Variants in ARHGAP24 observed in about 807,000 individuals in gnomAD.
ARHGAP24 encodes rho GTPase-activating protein 24.
In ARHGAP24, 50 loss-of-function variants were observed where a neutral mutation model predicts 76.4. That is an observed-to-expected ratio of 0.65 (90% confidence interval 0.52 to 0.83). The LOEUF (loss-of-function observed/expected upper bound fraction) is 0.83, where lower values mean the gene tolerates loss of function less well. Among genes scored for constraint, ARHGAP24 ranks in the 40% least tolerant of loss-of-function variants. The probability of loss-of-function intolerance (pLI) is 0.00; values close to 1 mark genes in which losing one functional copy is unlikely to be tolerated. For missense variants in ARHGAP24, 930 were observed against 914.2 expected (o/e 1.02, Z -0.22); for synonymous variants, 345 against 323.3 (o/e 1.07, Z -0.72).
Position 85,995,364 on chromosome 4 carries a change from C to A in ARHGAP24, c.1710C>A (p.Ser570=). 1.2e-6 allele frequency: 2 copies of A among 1,614,118 alleles called. No individual in the cohort carries two copies. The highest frequency in any genetic ancestry group is 2.2e-5 in the South Asian group (2 of 91,072). Residue 570 remains serine, a synonymous_variant, in exon 9 of 10, where the codon TCC becomes TCA. Transcript: ENST00000395184. ...CEISLPENSN[S]CRSSTTTCPE... Reference sequence around the variant, plus strand: ...TCTCCCTCCCTGAGAACTCCAACTCCTGTCGCTCTTCTACCACCACCTGCC... The same window carrying A: ...TCTCCCTCCCTGAGAACTCCAACTCATGTCGCTCTTCTACCACCACCTGCC...
intron 5 of ARHGAP24, among the ~76,000 whole-genome samples, chr4:85,945,141 C>T (rs1018594426): frequency 3.9e-5 from 6 of 152,062 alleles, no homozygotes; most frequent in East Asian, 1.9e-4. Flanking sequence ...CCACCGCACC[C>T]GACCTTTTTT....
chr4:85,690,274 C>CT, intron 2 of ARHGAP24, among the ~76,000 whole-genome samples: 1 of 151,892 alleles, frequency 6.6e-6, no homozygotes, highest in African/African-American at 2.4e-5. Context: ...AAAAAAAATT[C>CT]TTTTTTATTG....
intron 3 of ARHGAP24, among the ~76,000 whole-genome samples, chr4:85,801,764 G>A (rs1728588856): frequency 6.6e-6 from 1 of 152,226 alleles, no homozygotes; most frequent in African/African-American, 2.4e-5. Context: ...GGCCATCTCA[G>A]GCAGGCATTC....
At chr4:85,972,815 C>T (rs1369282318) in intron 6 of ARHGAP24, among the ~76,000 whole-genome samples, 2 of 152,120 alleles carry the variant, frequency 1.3e-5, no homozygotes, top group East Asian at 3.9e-4. Flanking sequence ...TCTGGACATT[C>T]CTTATAAATG....
intron 2 of ARHGAP24, among the ~76,000 whole-genome samples, chr4:85,719,226 A>C (rs756451370): frequency 1.3e-5 from 2 of 152,170 alleles, no homozygotes; most frequent in Non-Finnish European, 2.9e-5. Flanking sequence ...GTATCTAGCA[A>C]TTTTTTAAAA....
rs545006233 is a variant in ARHGAP24, at chr4:85,562,660, C to T, written c.-20-7862C>T. ...ACTTATACTCCCTAATAGTATCCTC[C>T]TACCACACTCTTACTTTCAGCCAAC... On this transcript the variant is annotated intron_variant, in intron 1 of 9. Transcript: ENST00000395184. 3.9e-5 allele frequency among the ~76,000 whole-genome samples: 6 copies of T among 152,108 alleles called. No individual in the cohort carries two copies. The South Asian group carries it at 1.0e-3, about 26-fold the overall frequency.
chr4:85,566,946 C>A (rs910621585), intron 1 of ARHGAP24, among the ~76,000 whole-genome samples: 1 of 152,094 alleles, frequency 6.6e-6, no homozygotes, highest in African/African-American at 2.4e-5. Context: ...AGGCAGAAAT[C>A]AGCAAGGGAT....
intron 2 of ARHGAP24, among the ~76,000 whole-genome samples, chr4:85,598,527 GATCATTGTGTGAT>G (rs1248725578): frequency 6.6e-6 from 1 of 151,970 alleles, no homozygotes; most frequent in Non-Finnish European, 1.5e-5. Flanking sequence ...CTTAGTAGCT[GATCATTGTGTGAT>G]GATTCCTTGA....
intron 2 of ARHGAP24, among the ~76,000 whole-genome samples, chr4:85,640,367 C>T (rs1721479248): frequency 6.6e-6 from 1 of 152,208 alleles, no homozygotes; most frequent in Non-Finnish European, 1.5e-5. Flanking sequence ...TGCCTCCTGA[C>T]CAACCCTGGT....
intron 3 of ARHGAP24, among the ~76,000 whole-genome samples, chr4:85,813,989 G>T (rs991036941): frequency 1.1e-4 from 16 of 151,874 alleles, no homozygotes; most frequent in Admixed American, 3.3e-4. Context: ...AAGGTGAAAG[G>T]CATGTCTCAA....
intron 5 of ARHGAP24, among the ~76,000 whole-genome samples, chr4:85,944,843 CT>C (rs1281074548): frequency 6.6e-6 from 1 of 151,934 alleles, no homozygotes; most frequent in African/African-American, 2.4e-5. Flanking sequence ...GCTTAGTTTT[CT>C]TTTTTTTCTT....
At chr4:85,777,414 G>C (rs1244080726) in intron 3 of ARHGAP24, among the ~76,000 whole-genome samples, 1 of 152,152 alleles carries the variant, frequency 6.6e-6, no homozygotes, top group Non-Finnish European at 1.5e-5. Context: ...TCTTGGAATT[G>C]CAAAGTGTAA....
At chr4:85,687,128 A>G (rs1418150541) in intron 2 of ARHGAP24, among the ~76,000 whole-genome samples, 1 of 152,160 alleles carries the variant, frequency 6.6e-6, no homozygotes, top group Non-Finnish European at 1.5e-5. Flanking sequence ...GGATGGATAG[A>G]TAGATAATTT....
intron 4 of ARHGAP24, among the ~76,000 whole-genome samples, chr4:85,924,986 A>C (rs1735938457): frequency 1.3e-5 from 2 of 152,178 alleles, no homozygotes; most frequent in African/African-American, 4.8e-5. Flanking sequence ...GACAACACAT[A>C]CGGTTACCTT....
intron 8 of ARHGAP24, chr4:85,991,952 G>C: frequency 2.6e-6 from 1 of 388,542 alleles, no homozygotes; most frequent in African/African-American, 2.1e-5. Context: ...TTTTTTTAAA[G>C]AAAAATCAAA....
chr4:85,527,929 G>A (rs904409100), intron 1 of ARHGAP24, among the ~76,000 whole-genome samples: 2 of 152,086 alleles, frequency 1.3e-5, no homozygotes, highest in Non-Finnish European at 2.9e-5. Flanking sequence ...TATATTCAAC[G>A]TTTGATTAGT....
In ARHGAP24 at chr4:85,797,063, G is replaced by A. The variant is rs1051170868; in HGVS notation, c.268+75091G>A. ...GGAGCCAGCATACAGGCTCTAGGAA[G>A]CAAAATCCCATTTTCTTCTGCAGTG... On this transcript the variant is annotated intron_variant, in intron 3 of 9. Transcript: ENST00000395184. 3.9e-5 allele frequency among the ~76,000 whole-genome samples: 6 copies of A among 152,254 alleles called. No individual in the cohort carries two copies. In the East Asian group the frequency reaches 1.2e-3, roughly 29 times the overall value.
chr4:85,829,815 A>G (rs1729898493), intron 3 of ARHGAP24, among the ~76,000 whole-genome samples: 1 of 152,232 alleles, frequency 6.6e-6, no homozygotes, highest in Non-Finnish European at 1.5e-5. Flanking sequence ...ATGTGAACCC[A>G]TGGTCAGCTT....
intron 3 of ARHGAP24, among the ~76,000 whole-genome samples, chr4:85,907,658 T>C (rs17411091): frequency 0.16 from 24,467 of 152,196 alleles, 2,066 homozygotes; most frequent in South Asian, 0.3. Context: ...TGACCTTGCT[T>C]ATATTGGGAT....
Sources: gnomAD v4.1 joint callset for allele counts (sites outside exome capture counted in the v4.1 genomes callset) on GRCh38, gnomAD v4.1.1 for gene constraint, MANE v1.5 for transcripts, NCBI Gene and HGNC (gene_info 2026-07-23, HGNC 2026-07-21) for gene names.